SMAD9: variants seen among roughly 807,000 people sequenced by gnomAD.
SMAD9 encodes the protein SMAD family member 9.
A neutral mutation model predicts 46.1 loss-of-function variants in SMAD9; 36 were observed. The observed-to-expected ratio is 0.78, with a 90% CI of 0.60 to 1.03. SMAD9 has a LOEUF of 1.03. SMAD9 is among the 50% of genes least tolerant of loss of function. The probability of loss-of-function intolerance (pLI) is 0.00; values close to 1 mark genes in which losing one functional copy is unlikely to be tolerated. For missense variants in SMAD9, 572 were observed against 599.8 expected, an observed-to-expected ratio of 0.95 and a Z score of 0.48; for synonymous variants, 245 against 237.1, an observed-to-expected ratio of 1.03 and a Z score of -0.31.
At chr13:36,904,562 T>C (rs1470063155) in intron 1 of SMAD9, among the ~76,000 whole-genome samples, 2 of 152,174 alleles carry the variant, frequency 1.3e-5, no homozygotes, top group Non-Finnish European at 2.9e-5. Flanking sequence ...GGCAAATACA[T>C]TGCCTCAGGC....
chr13:36,850,668 C>G (rs1437566613), intron 6 of SMAD9, among the ~76,000 whole-genome samples: 1 of 152,204 alleles, frequency 6.6e-6, no homozygotes, highest in African/African-American at 2.4e-5. Flanking sequence ...CATGAGCCAC[C>G]ACGCCCGGCT....
At chr13:36,864,709 A>G (rs517211) in intron 5 of SMAD9, among the ~76,000 whole-genome samples, 33,661 of 152,024 alleles carry the variant, frequency 0.22, 4,766 homozygotes, top group African/African-American at 0.4. Context: ...AGACATTTTG[A>G]AGGTATGTTA....
intron 6 of SMAD9, chr13:36,852,020 C>G: frequency 1.0e-6 from 1 of 979,098 alleles, no homozygotes; most frequent in Non-Finnish European, 1.2e-6. Context: ...GTTTCTAAAG[C>G]AACAGAACAT....
chr13:36,859,010 C>A (rs1292930123), intron 5 of SMAD9, among the ~76,000 whole-genome samples: 2 of 152,080 alleles, frequency 1.3e-5, no homozygotes, highest in African/African-American at 4.8e-5. Flanking sequence ...CATGCTCAGC[C>A]ATGTGCATTT....
At chr13:36,853,315 G>T in intron 6 of SMAD9, 104 bp downstream of exon 6, 2 of 1,088,544 alleles carry the variant, frequency 1.8e-6, no homozygotes, top group Non-Finnish European at 2.8e-6. Context: ...AATTGGTTTT[G>T]TCTATCAGAA....
chr13:36,877,992 CAA>C (rs1351199957), intron 2 of SMAD9, among the ~76,000 whole-genome samples: 2 of 152,088 alleles, frequency 1.3e-5, no homozygotes, highest in African/African-American at 4.8e-5. Flanking sequence ...GGCAGATGGC[CAA>C]AGAGAGAAAG....
chr13:36,888,660 G>A (rs1240884228), intron 1 of SMAD9, among the ~76,000 whole-genome samples: 1 of 152,086 alleles, frequency 6.6e-6, no homozygotes, highest in African/African-American at 2.4e-5. Context: ...CACTGATCAT[G>A]TTATGATGGA....
At chr13:36,914,295 G>A (rs1593633111) in intron 1 of SMAD9, among the ~76,000 whole-genome samples, 3 of 152,264 alleles carry the variant, frequency 2.0e-5, no homozygotes, top group South Asian at 4.1e-4. Flanking sequence ...CGAGGCCGGC[G>A]GATCATGAGG....
At chr13:36,918,112 A>C (rs2058712576) in intron 1 of SMAD9, among the ~76,000 whole-genome samples, 1 of 152,214 alleles carries the variant, frequency 6.6e-6, no homozygotes, top group African/African-American at 2.4e-5. Context: ...AAGAGTTGAC[A>C]TCTGTGAATA....
chr13:36,873,920 T>C (rs960339533), intron 2 of SMAD9, among the ~76,000 whole-genome samples: 1 of 152,236 alleles, frequency 6.6e-6, no homozygotes, highest in Admixed American at 6.5e-5. Context: ...TCATTTACTA[T>C]GCTTTTCTGG....
chr13:36,887,064 G>A (rs930321259), intron 1 of SMAD9, among the ~76,000 whole-genome samples: 1 of 12,396 alleles, frequency 8.1e-5, no homozygotes, highest in African/African-American at 2.6e-4. Flanking sequence ...TTTTTTTTTT[G>A]TAGAGACGAG....
chr13:36,872,422 A>C (rs1368510545), intron 3 of SMAD9, among the ~76,000 whole-genome samples: 1 of 151,698 alleles, frequency 6.6e-6, no homozygotes. Flanking sequence ...AAATCCATTT[A>C]GTTTCTGAGA....
intron 2 of SMAD9, among the ~76,000 whole-genome samples, chr13:36,877,042 A>G (rs933600220): frequency 3.3e-5 from 5 of 152,172 alleles, no homozygotes; most frequent in Non-Finnish European, 5.9e-5. Flanking sequence ...CACTCACACT[A>G]TCATTCCTAA....
chr13:36,889,544 T>C (rs982529453), intron 1 of SMAD9, among the ~76,000 whole-genome samples: 2 of 152,204 alleles, frequency 1.3e-5, no homozygotes, highest in Non-Finnish European at 2.9e-5. Context: ...ATTCTTAATA[T>C]AGATCTCCCT....
chr13:36,898,029 T>G (rs2138615867), intron 1 of SMAD9, among the ~76,000 whole-genome samples: 1 of 151,838 alleles, frequency 6.6e-6, no homozygotes, highest in Middle Eastern at 3.4e-3. Flanking sequence ...GCTAATTTTT[T>G]TTGTATTTTT....
intron 1 of SMAD9, among the ~76,000 whole-genome samples, chr13:36,905,941 T>C (rs1249807842): frequency 6.6e-6 from 1 of 152,134 alleles, no homozygotes; most frequent in Admixed American, 6.5e-5. Flanking sequence ...AAAGTGCTAG[T>C]ATTACAAGTA....
intron 1 of SMAD9, among the ~76,000 whole-genome samples, chr13:36,887,555 G>A (rs1385381165): frequency 6.6e-6 from 1 of 152,030 alleles, no homozygotes; most frequent in African/African-American, 2.4e-5. Flanking sequence ...CGTCCTAGCT[G>A]CTTATATGGA....
At chr13:36,918,458 T>C (rs183792659) in intron 1 of SMAD9, among the ~76,000 whole-genome samples, 3 of 152,380 alleles carry the variant, frequency 2.0e-5, no homozygotes, top group Admixed American at 6.5e-5. Context: ...GGCCGAAGGC[T>C]GTCTGGCAGA....
intron 1 of SMAD9, among the ~76,000 whole-genome samples, chr13:36,903,806 CAA>C (rs2058597507): frequency 6.6e-6 from 1 of 152,022 alleles, no homozygotes; most frequent in Non-Finnish European, 1.5e-5. Context: ...CACTTTTAGT[CAA>C]ATTAAATAAC....
Sources: allele counts gnomAD v4.1 joint callset (sites outside exome capture counted in the v4.1 genomes callset), GRCh38; gene constraint gnomAD v4.1.1; transcripts MANE v1.5; gene names NCBI Gene and HGNC (gene_info 2026-07-23, HGNC 2026-07-21).